The following CYP4B1 variants were observed in gnomAD, a reference collection of about 807,000 sequenced individuals.
CYP4B1 encodes cytochrome P450 family 4 subfamily B member 1.
CYP4B1 carries 45 observed loss-of-function variants against 54.0 expected under a neutral mutation model. The ratio of observed to expected loss-of-function variants is 0.83; its 90% CI spans 0.66 to 1.07. The LOEUF (loss-of-function observed/expected upper bound fraction) is 1.07. Among genes scored for constraint, CYP4B1 ranks in the 50% least tolerant of loss-of-function variants. The pLI, the probability that CYP4B1 is intolerant of heterozygous loss-of-function variation, is 0.00. For synonymous variants in CYP4B1, 248 were observed against 247.5 expected (o/e 1.00, Z -0.02); for missense variants, 656 against 655.4 (o/e 1.00, Z -0.01).
Position 46,810,960 on chromosome 1 carries a change from A to G in CYP4B1, c.322+11A>G, listed in dbSNP as rs1258849633. ...TGTACAGCCGTGGGGGTGAGGAGAG[A>G]GGATGGGGATCTCAGGAGAGGGTGG... is the stretch of plus-strand genomic sequence containing the variant. On this transcript the variant is annotated intron_variant, in intron 2 of 11. Transcript: ENST00000371923. 2 of 1,613,436 alleles carry G rather than the reference A, an allele frequency of 1.2e-6. No homozygotes were observed. Among genetic ancestry groups the G allele is most frequent in the Non-Finnish European group, 8.5e-7 (1 of 1,179,838 alleles).
At chr1:46,816,605 C>CACACACACACACACACACACA (rs1679341957) in intron 8 of CYP4B1, among the ~76,000 whole-genome samples, 1 of 151,692 alleles carries the variant, frequency 6.6e-6, no homozygotes, top group Non-Finnish European at 1.5e-5. Context: ...CACACACACA[C>CACACACACACACACACACACA]TTCACCTCAT....
At chr1:46,800,265 CCT>C (rs1557484929) in intron 1 of CYP4B1, among the ~76,000 whole-genome samples, 21 of 111,768 alleles carry the variant, frequency 1.9e-4, no homozygotes, top group East Asian at 1.4e-3. Flanking sequence ...TTCCTTCCTT[CCT>C]TCCTTCCTTC....
rs761368513 is a variant in CYP4B1 at position 46,814,192 on chromosome 1, CTG to C, written c.776-14_776-13del. ...AGATGGCTTCCCAGGCAGTGACACT[CTG>C]TGCTTTTGGTTCAGACCAGGTCATC... On this transcript the variant is annotated splice_polypyrimidine_tract_variant and intron_variant, in intron 6 of 11. Coordinates refer to ENST00000371923, the MANE Select transcript of CYP4B1 (RefSeq NM_001099772.2). 77 of 1,613,470 alleles carry C rather than the reference CTG, an allele frequency of 4.8e-5. No homozygotes were observed. The highest frequency in any genetic ancestry group is 6.4e-5 in the Non-Finnish European group (75 of 1,179,540).
rs756688395 is a variant in CYP4B1 at position 46,814,314 on chromosome 1, G to A, written c.881G>A (p.Arg294Gln). The A allele has an allele frequency of 9.3e-6, 15 of 1,611,552 alleles. No homozygotes were observed. Among genetic ancestry groups the A allele is most frequent in the African/African-American group, 2.7e-5 (2 of 74,884 alleles). The change falls in exon 7 of 12, where the codon CGG becomes CAG. Residue 294 changes from arginine to glutamine, a missense_variant and splice_region_variant. Arg to Gln is a conservative substitution (Grantham distance 43). Transcript: ENST00000371923. ...LDFLDILLGA[R>Q]DEDDIKLSDA... ...TTCCTGGACATTCTCCTGGGTGCCC[G>A]GGTGAGTACATTGTTGCCCACCCCT... is the stretch of plus-strand genomic sequence containing the variant.
rs768653507 is a variant in CYP4B1, at chr1:46,799,233, C to T, written c.152C>T (p.Thr51Ile). The T allele has an allele frequency of 8.7e-6, 14 of 1,600,798 alleles. No homozygotes were observed. The African/African-American group carries it at 1.6e-4, about 18-fold the overall frequency. ...KAMDKFPGPP[T>I]HWLFGHALEI... ...ATGGACAAATTCCCAGGGCCTCCCA[C>T]CCACTGGCTTTTTGGACATGCCCTC... Residue 51 changes from threonine to isoleucine, a missense_variant, in exon 1 of 12, where the codon ACC becomes ATC. Physicochemically the swap from Thr to Ile is moderately conservative, Grantham distance 89. Transcript: ENST00000371923.
chr1:46,799,418 A>C (rs1055265597), intron 1 of CYP4B1, among the ~76,000 whole-genome samples, 157 bp downstream of exon 1: 7 of 152,136 alleles, frequency 4.6e-5, no homozygotes, highest in Non-Finnish European at 1.0e-4. Flanking sequence ...TTCCCACCGG[A>C]ATTTCTCCTT....
chr1:46,810,704 C>A, intron 1 of CYP4B1, 104 bp from the exon 2 acceptor site: 1 of 1,290,360 alleles, frequency 7.7e-7, no homozygotes, highest in South Asian at 1.3e-5. Context: ...AGGAAGCAAC[C>A]AGGGCCTGCC....
At chr1:46,817,215 T>G (rs1278224134) in intron 9 of CYP4B1, 34 bp downstream of exon 9, 1 of 1,612,978 alleles carries the variant, frequency 6.2e-7, no homozygotes, top group South Asian at 1.1e-5. Context: ...GGAAAAGGAG[T>G]CCCTGCATGC....
At chr1:46,816,303 A>C (rs1679330314) in intron 8 of CYP4B1, among the ~76,000 whole-genome samples, 1 of 152,142 alleles carries the variant, frequency 6.6e-6, no homozygotes, top group Non-Finnish European at 1.5e-5. Flanking sequence ...CTTTCTAAGG[A>C]GGGTTAAAAT....
chr1:46,805,773 G>C (rs1457112686), intron 1 of CYP4B1, among the ~76,000 whole-genome samples: 1 of 151,834 alleles, frequency 6.6e-6, no homozygotes, highest in Non-Finnish European at 1.5e-5. Context: ...TTTTTTTCTT[G>C]GCTTCTAGCT....
chr1:46,812,505 T>A lies in CYP4B1; in HGVS notation c.377T>A (p.Leu126Gln). ...DFFLQWIGRG[L>Q]LVLEGPKWLQ... The stretch of plus-strand genomic sequence containing the variant: ...CCCATCCCTTCCCCAGGGAGAGGCC[T>A]GCTGGTTCTTGAGGGGCCCAAGTGG... Residue 126 changes from leucine (L) to glutamine (Q), a missense_variant, in exon 4 of 12, where the codon CTG becomes CAG. Transcript: ENST00000371923. The A allele has an allele frequency of 1.9e-6, 3 of 1,613,022 alleles. No homozygotes were observed. The highest frequency in any genetic ancestry group is 2.5e-6 in the Non-Finnish European group (3 of 1,179,488).
intron 1 of CYP4B1, among the ~76,000 whole-genome samples, chr1:46,805,043 C>T (rs1296783908): frequency 1.3e-5 from 2 of 152,204 alleles, no homozygotes; most frequent in Non-Finnish European, 2.9e-5. Context: ...GTCTTGCTCA[C>T]CACTGTAACC....
rs917735772 is a variant in CYP4B1, at chr1:46,818,893, A to G, written c.*79A>G. On this transcript the variant is annotated 3_prime_UTR_variant, in exon 12 of 12. Transcript: ENST00000371923. ...ACCCTCCCCAGGCTGGGTGTGGAGG[A>G]GTTGGGGCCCCCTGCCTTCAGGAGG... is the stretch of plus-strand genomic sequence containing the variant. The G allele has an allele frequency of 1.3e-6, 2 of 1,491,032 alleles. No individual in the cohort carries two copies. The highest frequency in any genetic ancestry group is 2.3e-5 in the East Asian group (1 of 43,802). 92.4% of individuals were successfully genotyped at this position (1,491,032 alleles called of 1,614,324 possible).
intron 1 of CYP4B1, among the ~76,000 whole-genome samples, chr1:46,804,816 A>G (rs919330946): frequency 4.6e-5 from 7 of 152,186 alleles, no homozygotes; most frequent in African/African-American, 1.7e-4. Context: ...GGCTGATGCC[A>G]TGGGGCTTTC....
At chr1:46,805,905 G>T (rs939132663) in intron 1 of CYP4B1, among the ~76,000 whole-genome samples, 2 of 152,258 alleles carry the variant, frequency 1.3e-5, no homozygotes, top group Admixed American at 1.3e-4. Flanking sequence ...GGCACCAAAG[G>T]GCACCTAAGG....
chr1:46,806,194 CCT>C (rs1678852784), intron 1 of CYP4B1, among the ~76,000 whole-genome samples: 1 of 152,194 alleles, frequency 6.6e-6, no homozygotes, highest in African/African-American at 2.4e-5. Flanking sequence ...GGGCAGGCAC[CCT>C]GTGTGCTGGG....
chr1:46,814,927 G>A (rs1404759590), intron 7 of CYP4B1, 147 bp from the exon 8 acceptor site: 1 of 663,834 alleles, frequency 1.5e-6, no homozygotes, highest in Non-Finnish European at 2.6e-6. Context: ...AGGAATATAG[G>A]AATCTGGGGG....
At chr1:46,809,954 T>C (rs1253559180) in intron 1 of CYP4B1, among the ~76,000 whole-genome samples, 1 of 152,202 alleles carries the variant, frequency 6.6e-6, no homozygotes, top group Non-Finnish European at 1.5e-5. Flanking sequence ...TAAACGTGAC[T>C]AGAAAAACCT....
intron 8 of CYP4B1, 140 bp downstream of exon 8, chr1:46,815,404 T>G: frequency 4.4e-6 from 3 of 680,362 alleles, no homozygotes; most frequent in Non-Finnish European, 6.7e-6. Context: ...TTTGTGGTGG[T>G]GGGGGGTGGG....
Sources: allele counts gnomAD v4.1 joint callset (sites outside exome capture counted in the v4.1 genomes callset), GRCh38; gene constraint gnomAD v4.1.1; transcripts MANE v1.5; gene names NCBI Gene and HGNC (gene_info 2026-07-23, HGNC 2026-07-21).